Variants in LY86 observed in about 807,000 individuals in gnomAD.
The protein encoded by LY86 is lymphocyte antigen 86.
A neutral mutation model predicts 17.3 loss-of-function variants in LY86; 20 were observed. That is an observed-to-expected ratio of 1.15 (90% CI 0.81 to 1.68). LY86 has a LOEUF of 1.68. LY86 is among the 40% of genes most tolerant of loss of function. The pLI is 0.00. For missense variants in LY86, 200 were observed against 191.9 expected (o/e 1.04, Z -0.25); for synonymous variants, 74 against 70.6 (o/e 1.05, Z -0.24).
At chr6:6,612,189 A>T (rs1286052884) in intron 1 of LY86, among the ~76,000 whole-genome samples, 1 of 152,184 alleles carries the variant, frequency 6.6e-6, no homozygotes, top group Non-Finnish European at 1.5e-5. Flanking sequence ...CACTGACTTC[A>T]AGAACGAAGC....
At chr6:6,626,538 G>A (rs902918790) in intron 3 of LY86, 117 bp downstream of exon 3, 32 of 1,131,654 alleles carry the variant, frequency 2.8e-5, no homozygotes, top group African/African-American at 1.4e-4. Context: ...GCCTTTGGAC[G>A]AGCTTATCCT....
chr6:6,605,189 G>C (rs577063403), intron 1 of LY86, among the ~76,000 whole-genome samples: 5 of 152,132 alleles, frequency 3.3e-5, no homozygotes, highest in African/African-American at 1.2e-4. Context: ...TGATGAATTT[G>C]GAACAAGAAT....
intron 1 of LY86, among the ~76,000 whole-genome samples, chr6:6,595,864 G>A (rs569140632): frequency 1.3e-5 from 2 of 152,324 alleles, no homozygotes; most frequent in East Asian, 3.9e-4. Context: ...GCGGGGAGGG[G>A]AGGAAGCCCT....
At chr6:6,650,876 T>TCTCCCTCC (rs1321894711) in intron 4 of LY86, among the ~76,000 whole-genome samples, 19 of 152,184 alleles carry the variant, frequency 1.2e-4, no homozygotes, top group Non-Finnish European at 2.5e-4. Flanking sequence ...ACTCTCCCTC[T>TCTCCCTCC]CATCCTCTCC....
At chr6:6,590,632 G>A (rs1376963213) in intron 1 of LY86, among the ~76,000 whole-genome samples, 1 of 152,194 alleles carries the variant, frequency 6.6e-6, no homozygotes, top group African/African-American at 2.4e-5. Flanking sequence ...GATCACATCT[G>A]CTGTTAGAGG....
chr6:6,610,545 G>C (rs12211040), intron 1 of LY86, among the ~76,000 whole-genome samples: 2,020 of 142,770 alleles, frequency 0.014, 16 homozygotes, highest in Non-Finnish European at 0.022. Context: ...GGAAGCTTAG[G>C]GGGGGGCAAG....
chr6:6,607,721 G>T (rs1157111140), intron 1 of LY86, among the ~76,000 whole-genome samples: 2 of 152,052 alleles, frequency 1.3e-5, no homozygotes, highest in East Asian at 3.9e-4. Flanking sequence ...CCAACATGGC[G>T]AAACCCCGTC....
At chr6:6,641,673 C>T (rs1181062580) in intron 3 of LY86, among the ~76,000 whole-genome samples, 23 of 152,298 alleles carry the variant, frequency 1.5e-4, no homozygotes, top group Admixed American at 1.3e-3. Context: ...CAGGTGCAAA[C>T]GTACCAGCAG....
intron 4 of LY86, among the ~76,000 whole-genome samples, chr6:6,653,732 TC>T (rs1276713107): frequency 6.6e-6 from 1 of 152,192 alleles, no homozygotes; most frequent in Non-Finnish European, 1.5e-5. Context: ...CCTTTCTCCT[TC>T]CAGTTGCTCA....
chr6:6,639,593 T>C (rs1026970144), intron 3 of LY86, among the ~76,000 whole-genome samples: 6 of 152,186 alleles, frequency 3.9e-5, no homozygotes, highest in Non-Finnish European at 5.9e-5. Flanking sequence ...CCTCGGCCCG[T>C]AGTGGCATCA....
chr6:6,605,887 G>A (rs141167229), intron 1 of LY86, among the ~76,000 whole-genome samples: 39 of 148,474 alleles, frequency 2.6e-4, no homozygotes, highest in East Asian at 9.7e-4. Context: ...TCTCGCGGTG[G>A]GTTCTTAGTC....
At chr6:6,606,552 C>T (rs1372948951) in intron 1 of LY86, among the ~76,000 whole-genome samples, 1 of 152,156 alleles carries the variant, frequency 6.6e-6, no homozygotes, top group African/African-American at 2.4e-5. Flanking sequence ...GCTTGGGCGG[C>T]ACAGGAGCCC....
intron 1 of LY86, among the ~76,000 whole-genome samples, chr6:6,612,272 C>G (rs1205775504): frequency 1.3e-5 from 2 of 152,096 alleles, no homozygotes; most frequent in African/African-American, 4.8e-5. Flanking sequence ...CAGATGTGTT[C>G]TGAGTTTCTT....
intron 4 of LY86, among the ~76,000 whole-genome samples, chr6:6,650,875 C>G (rs923808148): frequency 6.6e-6 from 1 of 152,148 alleles, no homozygotes; most frequent in Admixed American, 6.5e-5. Flanking sequence ...TACTCTCCCT[C>G]TCATCCTCTC....
chr6:6,622,002 A>G (rs1480263695), intron 1 of LY86, among the ~76,000 whole-genome samples: 3 of 152,008 alleles, frequency 2.0e-5, no homozygotes, highest in Non-Finnish European at 4.4e-5. Flanking sequence ...CCCCAAGAGG[A>G]CCACAAACTG....
At chr6:6,639,944 A>G (rs1191508290) in intron 3 of LY86, among the ~76,000 whole-genome samples, 1 of 152,200 alleles carries the variant, frequency 6.6e-6, no homozygotes, top group Non-Finnish European at 1.5e-5. Flanking sequence ...TTCAATTAAA[A>G]TGCTTTCATA....
At chr6:6,591,916 G>A (rs1406847486) in intron 1 of LY86, among the ~76,000 whole-genome samples, 1 of 152,174 alleles carries the variant, frequency 6.6e-6, no homozygotes, top group Non-Finnish European at 1.5e-5. Flanking sequence ...GGGAACTGCG[G>A]GAGGGCTGAA....
chr6:6,633,119 A>G (rs1333871586), intron 3 of LY86, among the ~76,000 whole-genome samples: 1 of 152,216 alleles, frequency 6.6e-6, no homozygotes, highest in Non-Finnish European at 1.5e-5. Flanking sequence ...TTTGGTTGTA[A>G]GATGTACTGT....
intron 3 of LY86, among the ~76,000 whole-genome samples, chr6:6,644,506 C>G (rs930140892): frequency 2.6e-5 from 4 of 151,706 alleles, no homozygotes; most frequent in Non-Finnish European, 4.4e-5. Flanking sequence ...GAGCCAGACC[C>G]TGTTTCAAAA....
Sources: gnomAD v4.1 joint callset for allele counts (sites outside exome capture counted in the v4.1 genomes callset) on GRCh38, gnomAD v4.1.1 for gene constraint, MANE v1.5 for transcripts, NCBI Gene and HGNC (gene_info 2026-07-23, HGNC 2026-07-21) for gene names.